The following RUSC2 variants were observed in gnomAD, a reference collection of about 807,000 sequenced individuals.
RUSC2 encodes the protein RUN and SH3 domain containing 2, also known as AP-4 complex accessory subunit RUSC2.
RUSC2 carries 34 observed loss-of-function variants against 122.2 expected under a neutral mutation model. The observed-to-expected ratio is 0.28, with a 90% CI of 0.21 to 0.37. The LOEUF (loss-of-function observed/expected upper bound fraction) is 0.37. RUSC2 is among the 10% of genes least tolerant of loss of function. RUSC2 has a pLI of 1.00. For synonymous variants in RUSC2, 784 were observed against 790.0 expected, an observed-to-expected ratio of 0.99 and a Z score of 0.13; for missense variants, 1,747 against 1,952.4, an observed-to-expected ratio of 0.89 and a Z score of 1.98.
In RUSC2 at chr9:35,547,384, A is replaced by C; in HGVS notation, c.863A>C (p.Tyr288Ser). 1 of 1,614,104 alleles carries C rather than the reference A, an allele frequency of 6.2e-7. No homozygotes were observed. The highest frequency in any genetic ancestry group is 8.5e-7 in the Non-Finnish European group (1 of 1,179,994). Residue 288 changes from tyrosine to serine, a missense_variant, in exon 2 of 12, where the codon TAC becomes TCC. Coordinates refer to ENST00000361226, the MANE Select transcript of RUSC2 (RefSeq NM_014806.5). The surrounding 1 kb of genome is among the most constrained non-coding windows in gnomAD (Gnocchi z 4.6). Reference protein sequence around the residue: ...DGVLVTFSTLYNKMHGTPRAN... With the variant: ...DGVLVTFSTLSNKMHGTPRAN... Reference sequence around the variant, plus strand: ...GTGCTGGTCACCTTCAGCACCCTCTACAACAAGATGCATGGCACCCCCCGT... The same window carrying C: ...GTGCTGGTCACCTTCAGCACCCTCTCCAACAAGATGCATGGCACCCCCCGT...
In RUSC2 at chr9:35,547,902, G is replaced by T; in HGVS notation, c.1381G>T (p.Val461Leu). The change falls in exon 2 of 12, where the codon GTG becomes TTG. Residue 461 changes from valine to leucine, a missense_variant. Val to Leu is a conservative substitution (Grantham distance 32, BLOSUM62 1). Coordinates refer to ENST00000361226, the MANE Select transcript of RUSC2 (RefSeq NM_014806.5). The surrounding 1 kb of genome is among the most constrained non-coding windows in gnomAD (Gnocchi z 4.6). ...AGTCCAGCCAGAGGAACAAGAAGCA[G>T]TGAGTTCCTCCACCCAAGCAGCAGC... ...PEVQPEEQEA[V>L]SSSTQAAAAV... 1 of 1,614,246 alleles carries T rather than the reference G, an allele frequency of 6.2e-7. No homozygotes were observed. Among genetic ancestry groups the T allele is most frequent in the South Asian group, 1.1e-5 (1 of 91,084 alleles).
Position 35,561,534 on chromosome 9 carries a change from T to G in RUSC2, c.*152T>G. The G allele has an allele frequency of 1.5e-6, 1 of 646,358 alleles. No individual in the cohort carries two copies. Among genetic ancestry groups the G allele is most frequent in the Non-Finnish European group, 2.7e-6 (1 of 374,808 alleles). 40.0% of individuals were successfully genotyped at this position (646,358 alleles called of 1,614,324 possible). A position where few individuals can be genotyped will look rare whatever the true frequency, so the allele number is the denominator to read the frequency against. ...GGCACCTGCTCCCTGTGCTCAGTAT[T>G]AATTACGCCCCCTTAACTGTCCCAG... is the stretch of plus-strand genomic sequence containing the variant. On this transcript the variant is annotated 3_prime_UTR_variant, in exon 12 of 12. Transcript: ENST00000361226.
intron 1 of RUSC2, among the ~76,000 whole-genome samples, chr9:35,519,939 T>C (rs914811867): frequency 6.6e-6 from 1 of 152,146 alleles, no homozygotes; most frequent in Non-Finnish European, 1.5e-5. Context: ...CAGACTTGTC[T>C]TAACACCAAA....
Position 35,557,939 on chromosome 9 carries a change from T to C in RUSC2, c.3009T>C (p.Ala1003=), listed in dbSNP as rs1481546192. The change falls in exon 6 of 12, where the codon GCT becomes GCC. Residue 1003 remains alanine, a synonymous_variant. Transcript: ENST00000361226. This position sits in a 1 kb window ranked among gnomAD's most constrained non-coding sequence, Gnocchi z 4.6. Reference sequence around the variant, plus strand: ...GGCTGGTAAAAGCTGTTAACATCGCTGTGGACCTCATTGTGGCTCATTTTG... The same window carrying C: ...GGCTGGTAAAAGCTGTTAACATCGCCGTGGACCTCATTGTGGCTCATTTTG... ...KKGLVKAVNI[A]VDLIVAHFGT... is the part of the protein sequence containing the mutation. 2.5e-6 allele frequency: 4 copies of C among 1,614,084 alleles called. No homozygotes were observed. The highest frequency in any genetic ancestry group is 2.7e-5 in the African/African-American group (2 of 74,936).
At chr9:35,504,877 G>A (rs1382907025) in intron 1 of RUSC2, among the ~76,000 whole-genome samples, 2 of 152,208 alleles carry the variant, frequency 1.3e-5, no homozygotes, top group Non-Finnish European at 2.9e-5. Flanking sequence ...AGAAGGAATG[G>A]TGGTGGCCAA....
intron 1 of RUSC2, among the ~76,000 whole-genome samples, chr9:35,540,090 C>T (rs1821612574): frequency 2.0e-5 from 3 of 152,186 alleles, no homozygotes; most frequent in South Asian, 4.1e-4. Context: ...AAAGAGTTCC[C>T]TAAATTCCCA....
At chr9:35,537,461 CTCCT>C (rs538227948) in intron 1 of RUSC2, among the ~76,000 whole-genome samples, 4 of 152,188 alleles carry the variant, frequency 2.6e-5, no homozygotes, top group African/African-American at 9.7e-5. Flanking sequence ...AGCAGCCTCC[CTCCT>C]TCCTTCCTTT....
intron 1 of RUSC2, among the ~76,000 whole-genome samples, chr9:35,520,996 C>T (rs1350563127): frequency 2.0e-5 from 3 of 152,140 alleles, no homozygotes; most frequent in Non-Finnish European, 2.9e-5. Context: ...CTAATACATC[C>T]TCAAAAGAAA....
chr9:35,548,544 C>T lies in RUSC2; in HGVS notation c.2014+9C>T. ...AAGAGCTAGAGCTGACGGTAAGGAG[C>T]CTAAGGGTTAGCAAATATGTGGCTA... On this transcript the variant is annotated intron_variant, in intron 2 of 11. Transcript: ENST00000361226. The surrounding 1 kb of genome is among the most constrained non-coding windows in gnomAD (Gnocchi z 4.5). 6.3e-7 allele frequency: 1 copy of T among 1,596,210 alleles called. No homozygotes were observed.
At chr9:35,559,441 G>T (rs1412031095) in intron 9 of RUSC2, among the ~76,000 whole-genome samples, 169 bp downstream of exon 9, 1 of 152,186 alleles carries the variant, frequency 6.6e-6, no homozygotes, top group Non-Finnish European at 1.5e-5. Context: ...CTCTGCTTGA[G>T]TTAAAACCTT....
chr9:35,548,910 T>A lies in RUSC2; in HGVS notation c.2014+375T>A. ...AGCCAGGAGTGGTAGCACCCACCTG[T>A]AATCCCAGCTACTCAGGGGGCTGAG... On this transcript the variant is annotated intron_variant, in intron 2 of 11. Transcript: ENST00000361226. This position sits in a 1 kb window ranked among gnomAD's most constrained non-coding sequence, Gnocchi z 4.5. 2 of 484,582 alleles carry A rather than the reference T, an allele frequency of 4.1e-6. No homozygotes were observed. The highest frequency in any genetic ancestry group is 5.4e-6 in the Non-Finnish European group (2 of 372,436). The allele number at this position is 484,582 out of a possible 1,614,324, so 30.0% of individuals were successfully genotyped here.
At chr9:35,494,014 G>A (rs1207038079) in intron 1 of RUSC2, among the ~76,000 whole-genome samples, 6 of 152,036 alleles carry the variant, frequency 3.9e-5, no homozygotes, top group Non-Finnish European at 8.8e-5. Flanking sequence ...GGATTGTATG[G>A]TAATTTTATG....
rs1274577691 is a variant in RUSC2 at position 35,547,081 on chromosome 9, C to A, written c.560C>A (p.Thr187Asn). 6.2e-7 allele frequency: 1 copy of A among 1,613,814 alleles called. No individual in the cohort carries two copies. Among genetic ancestry groups the A allele is most frequent in the Non-Finnish European group, 8.5e-7 (1 of 1,179,862 alleles). Residue 187 changes from threonine (T) to asparagine (N), a missense_variant, in exon 2 of 12, where the codon ACC becomes AAC. By Grantham distance (65) the Thr-to-Asn change is moderately conservative. Transcript: ENST00000361226. The surrounding 1 kb of genome is among the most constrained non-coding windows in gnomAD (Gnocchi z 4.6). ...ACCTTGGATACTCAGCAGTGCGGCA[C>A]CAGCCACTGCTGCCGGCCAGAGCTG... ...VMTLDTQQCG[T>N]SHCCRPELEA...
In RUSC2 at chr9:35,546,642, A is replaced by G. The variant is rs752894115; in HGVS notation, c.121A>G (p.Arg41Gly). The stretch of plus-strand genomic sequence containing the variant: ...GGCAGGTGGAGGTGGTGGGAGCACA[A>G]GACCTAATCCCTTCTGCCCACCTGA... ...GGAGGGGGST[R>G]PNPFCPPELG... Residue 41 changes from arginine to glycine, a missense_variant, in exon 2 of 12, where the codon AGA becomes GGA. Coordinates refer to ENST00000361226, the MANE Select transcript of RUSC2 (RefSeq NM_014806.5). This position sits in a 1 kb window ranked among gnomAD's most constrained non-coding sequence, Gnocchi z 4.3. The G allele has an allele frequency of 6.4e-7, 1 of 1,570,376 alleles. No homozygotes were observed. Among genetic ancestry groups the G allele is most frequent in the Non-Finnish European group, 8.6e-7 (1 of 1,159,174 alleles).
Position 35,555,054 on chromosome 9 carries a change from C to G in RUSC2, c.2015-6C>G, listed in dbSNP as rs374664786. 1 of 1,610,150 alleles carries G rather than the reference C, an allele frequency of 6.2e-7. No individual in the cohort carries two copies. Among genetic ancestry groups the G allele is most frequent in the Non-Finnish European group, 8.5e-7 (1 of 1,179,946 alleles). ...TACTGATTTCTTCTCCATCCCTTTGCTACAGGGGGTGGCACCGAGAGCCGA... is the reference window on the plus strand; with the variant it reads ...TACTGATTTCTTCTCCATCCCTTTGGTACAGGGGGTGGCACCGAGAGCCGA... On this transcript the variant is annotated splice_region_variant and splice_polypyrimidine_tract_variant and intron_variant, in intron 2 of 11. Transcript: ENST00000361226. This position sits in a 1 kb window ranked among gnomAD's most constrained non-coding sequence, Gnocchi z 4.6.
At position 35,560,440 on chromosome 9, in the gene RUSC2, A is replaced by G; in HGVS notation, c.3800A>G (p.Gln1267Arg). 1 of 1,614,208 alleles carries G rather than the reference A, an allele frequency of 6.2e-7. No homozygotes were observed. The highest frequency in any genetic ancestry group is 8.5e-7 in the Non-Finnish European group (1 of 1,180,022). The change falls in exon 10 of 12, where the codon CAG becomes CGG. Residue 1267 changes from glutamine (Q) to arginine (R), a missense_variant. Gln to Arg is a conservative substitution (Grantham distance 43). Transcript: ENST00000361226. Reference sequence around the variant, plus strand: ...CGTGCCAGGTGGGCCCGAGGTGGGCAGGCCGGCTGGTGGTACCAGCTCATG... The same window carrying G: ...CGTGCCAGGTGGGCCCGAGGTGGGCGGGCCGGCTGGTGGTACCAGCTCATG... The part of the protein sequence containing the change: ...SGRARWARGG[Q>R]AGWWYQLMQS...
intron 1 of RUSC2, among the ~76,000 whole-genome samples, chr9:35,541,192 A>C (rs956006328): frequency 1.3e-5 from 2 of 152,062 alleles, no homozygotes; most frequent in African/African-American, 4.8e-5. Context: ...TAGAGGGCTC[A>C]TCTTCTGAAA....
chr9:35,532,482 T>C (rs1024867779), intron 1 of RUSC2, among the ~76,000 whole-genome samples: 1 of 152,218 alleles, frequency 6.6e-6, no homozygotes, highest in Non-Finnish European at 1.5e-5. Flanking sequence ...TGATGGCACA[T>C]GCCTATAATC....
intron 1 of RUSC2, among the ~76,000 whole-genome samples, chr9:35,539,862 T>C (rs1821608566): frequency 6.6e-6 from 1 of 152,166 alleles, no homozygotes; most frequent in Admixed American, 6.5e-5. Context: ...GGAAAAGCGT[T>C]ATCAGTCCTA....
Sources: gnomAD v4.1 joint callset for allele counts (sites outside exome capture counted in the v4.1 genomes callset) on GRCh38, gnomAD v4.1.1 for gene constraint, Gnocchi (gnomAD v3.1) non-coding constraint, MANE v1.5 for transcripts, NCBI Gene and HGNC (gene_info 2026-07-23, HGNC 2026-07-21) for gene names.